The following CDH13 variants were observed in gnomAD, a reference collection of about 807,000 sequenced individuals.
CDH13 encodes cadherin 13.
A neutral mutation model predicts 63.8 loss-of-function variants in CDH13; 24 were observed. That is an observed-to-expected ratio of 0.38 (90% CI 0.27 to 0.53). The LOEUF (loss-of-function observed/expected upper bound fraction) is 0.53, where lower values mean the gene tolerates loss of function less well. Among genes scored for constraint, CDH13 ranks in the 20% least tolerant of loss-of-function variants. CDH13 has a pLI of 0.85. For missense variants in CDH13, 1,049 were observed against 903.1 expected (o/e 1.16, Z -2.07); for synonymous variants, 503 against 355.3 (o/e 1.42, Z -4.67).
intron 5 of CDH13, among the ~76,000 whole-genome samples, chr16:83,285,240 C>T (rs913703865): frequency 6.6e-6 from 1 of 152,246 alleles, no homozygotes; most frequent in East Asian, 1.9e-4. Context: ...AGAAAAAAGT[C>T]ATTATGTAGT....
At chr16:83,180,803 A>G in intron 4 of CDH13, 1 of 1,029,648 alleles carries the variant, frequency 9.7e-7, no homozygotes, top group Non-Finnish European at 1.4e-6. Context: ...ATGATGCTGT[A>G]GTCATTTGTT....
chr16:83,075,040 T>G (rs969257992), intron 3 of CDH13, among the ~76,000 whole-genome samples: 1 of 152,130 alleles, frequency 6.6e-6, no homozygotes, highest in Admixed American at 6.6e-5. Flanking sequence ...AGGGGTAAGA[T>G]CTGTAGATAA....
chr16:83,673,445 T>G (rs1029376262), intron 9 of CDH13, among the ~76,000 whole-genome samples: 1 of 152,166 alleles, frequency 6.6e-6, no homozygotes, highest in African/African-American at 2.4e-5. Context: ...ACCTGGCATC[T>G]GGCTCTTACT....
chr16:83,042,365 T>A (rs1289280233), intron 3 of CDH13, among the ~76,000 whole-genome samples: 1 of 152,248 alleles, frequency 6.6e-6, no homozygotes, highest in African/African-American at 2.4e-5. Context: ...CTATTGTAAA[T>A]TGCACATGCA....
At chr16:82,710,552 A>AAAAAAAT (rs60196638) in intron 1 of CDH13, among the ~76,000 whole-genome samples, 99 of 63,774 alleles carry the variant, frequency 1.6e-3, no homozygotes, top group Admixed American at 3.7e-3. Flanking sequence ...AAAAAAAAAA[A>AAAAAAAT]ATATATATAT....
intron 5 of CDH13, among the ~76,000 whole-genome samples, chr16:83,304,063 T>G (rs1029134259): frequency 6.6e-6 from 1 of 152,176 alleles, no homozygotes; most frequent in Non-Finnish European, 1.5e-5. Flanking sequence ...AATATTTTAA[T>G]TATTCATGGA....
chr16:83,360,016 G>A (rs1284658533), intron 6 of CDH13, among the ~76,000 whole-genome samples: 2 of 152,224 alleles, frequency 1.3e-5, no homozygotes, highest in South Asian at 2.1e-4. Context: ...ATTTCATAGA[G>A]AGAGAGTACA....
intron 2 of CDH13, among the ~76,000 whole-genome samples, chr16:82,935,814 A>G (rs2042648876): frequency 6.6e-6 from 1 of 152,162 alleles, no homozygotes; most frequent in Non-Finnish European, 1.5e-5. Context: ...GGTCATGGAC[A>G]CACACGAGGA....
intron 7 of CDH13, among the ~76,000 whole-genome samples, chr16:83,510,816 A>C (rs1314488769): frequency 2.0e-5 from 3 of 152,256 alleles, no homozygotes; most frequent in African/African-American, 7.2e-5. Context: ...AAATAAATGC[A>C]GACAACTAAG....
chr16:82,773,736 AT>A lies in CDH13; in HGVS notation c.46-84617del, dbSNP rs376375491. 2.4e-3 allele frequency among the ~76,000 whole-genome samples: 354 copies of A among 149,688 alleles called. 1 individual carries two copies. The highest frequency in any genetic ancestry group is 8.0e-3 in the African/African-American group (326 of 40,772). ...TCTTGCCTTATGTTGCCAACATTGC[AT>A]TTTTTTTTCTTTTTCTTAATTTATC... On this transcript the variant is annotated intron_variant, in intron 1 of 13. Coordinates refer to ENST00000567109, the MANE Select transcript of CDH13 (RefSeq NM_001257.5).
chr16:83,200,963 G>GTT (rs2039011718), intron 4 of CDH13, among the ~76,000 whole-genome samples: 1 of 145,674 alleles, frequency 6.9e-6, no homozygotes, highest in East Asian at 2.0e-4. Context: ...GTGTGTGTGT[G>GTT]TGTGTGTGTT....
chr16:82,681,029 T>G (rs746463388), intron 1 of CDH13, among the ~76,000 whole-genome samples: 31 of 152,146 alleles, frequency 2.0e-4, no homozygotes, highest in Non-Finnish European at 3.4e-4. Flanking sequence ...AGAGCACAAA[T>G]GAGGATGCAG....
At chr16:82,987,156 A>G (rs939109260) in intron 2 of CDH13, among the ~76,000 whole-genome samples, 5 of 152,048 alleles carry the variant, frequency 3.3e-5, no homozygotes, top group African/African-American at 1.2e-4. Flanking sequence ...AGTAGCCTCC[A>G]TTGCTCCCTC....
At chr16:82,843,176 A>G (rs1488751021) in intron 1 of CDH13, among the ~76,000 whole-genome samples, 3 of 152,096 alleles carry the variant, frequency 2.0e-5, no homozygotes, top group African/African-American at 2.4e-5. Context: ...CTTTCCTATA[A>G]TGTTCTGTGT....
chr16:83,119,090 G>A (rs548977440), intron 3 of CDH13, among the ~76,000 whole-genome samples: 26 of 152,274 alleles, frequency 1.7e-4, no homozygotes, highest in African/African-American at 5.3e-4. Context: ...ATCTGTTCAT[G>A]GTCAAGCCTA....
chr16:82,932,845 C>T (rs765019114), intron 2 of CDH13, among the ~76,000 whole-genome samples: 26 of 152,052 alleles, frequency 1.7e-4, no homozygotes, highest in Non-Finnish European at 2.9e-4. Flanking sequence ...TGTAAGATTC[C>T]GTACTTGATT....
At chr16:83,643,407 A>G (rs987242891) in intron 8 of CDH13, among the ~76,000 whole-genome samples, 2 of 133,724 alleles carry the variant, frequency 1.5e-5, no homozygotes, top group Non-Finnish European at 3.6e-5. Context: ...GTGTGATCAC[A>G]CTCTCTTCAG....
chr16:83,736,678 C>T (rs550750452), intron 10 of CDH13, among the ~76,000 whole-genome samples: 5 of 152,200 alleles, frequency 3.3e-5, no homozygotes, highest in Middle Eastern at 3.4e-3. Context: ...GAGCGCCTAG[C>T]GGAAACTATG....
chr16:82,924,717 T>G lies in CDH13; in HGVS notation c.157+66244T>G, dbSNP rs2042252479. 2.0e-5 allele frequency among the ~76,000 whole-genome samples: 3 copies of G among 152,186 alleles called. No homozygotes were observed. The South Asian group carries it at 6.2e-4, about 32-fold the overall frequency. On this transcript the variant is annotated intron_variant, in intron 2 of 13. Coordinates refer to ENST00000567109, the MANE Select transcript of CDH13 (RefSeq NM_001257.5). ...TCCAGTGCAGTAGCACCACCTCTTC[T>G]AGGTCACCATGGCCAGCCCTTCTCA...
Sources: allele counts gnomAD v4.1 joint callset (sites outside exome capture counted in the v4.1 genomes callset), GRCh38; gene constraint gnomAD v4.1.1; transcripts MANE v1.5; gene names NCBI Gene and HGNC (gene_info 2026-07-23, HGNC 2026-07-21).